The following ETFA variants were observed in gnomAD, a reference collection of about 807,000 sequenced individuals.
The protein encoded by ETFA is electron transfer flavoprotein subunit alpha, mitochondrial.
ETFA carries 22 observed loss-of-function variants against 46.2 expected under a neutral mutation model. That is an observed-to-expected ratio of 0.48 (90% CI 0.34 to 0.68). The LOEUF is 0.68. Ranked by LOEUF, ETFA falls within the 30% of genes least tolerant of loss-of-function variation. The pLI, the probability that ETFA is intolerant of heterozygous loss-of-function variation, is 0.01. For missense variants in ETFA, 345 were observed against 401.1 expected (o/e 0.86, Z 1.19); for synonymous variants, 131 against 139.9 (o/e 0.94, Z 0.45).
rs189082720 is a variant in ETFA at position 76,236,664 on chromosome 15, A to C, written c.817-5266T>G. ...CAGCAGTGTGGCAGAGCTGAAGATT[A>C]GCATTAGAGGCAGCAACATTAAACA... On this transcript the variant is annotated intron_variant, in intron 9 of 11. Transcript: ENST00000557943. Among the ~76,000 whole-genome samples the C allele has an allele frequency of 2.5e-4, 38 of 152,366 alleles. 1 individual carries two copies. The highest frequency in any genetic ancestry group is 9.1e-4 in the African/African-American group (38 of 41,586).
intron 9 of ETFA, among the ~76,000 whole-genome samples, chr15:76,236,521 A>G (rs1231358558): frequency 6.6e-6 from 1 of 152,238 alleles, no homozygotes; most frequent in Non-Finnish European, 1.5e-5. Flanking sequence ...TGGTCTGACA[A>G]CAGATCTAAA....
intron 9 of ETFA, among the ~76,000 whole-genome samples, chr15:76,268,690 C>T (rs2039498110): frequency 6.6e-6 from 1 of 152,164 alleles, no homozygotes; most frequent in Non-Finnish European, 1.5e-5. Context: ...TTCTGCAACC[C>T]TTAGAATTAA....
intron 9 of ETFA, among the ~76,000 whole-genome samples, chr15:76,250,243 T>C (rs572787504): frequency 2.0e-5 from 3 of 151,908 alleles, no homozygotes; most frequent in Non-Finnish European, 4.4e-5. Flanking sequence ...AAAGAACATA[T>C]ATAGGACATT....
intron 6 of ETFA, among the ~76,000 whole-genome samples, chr15:76,286,002 T>G (rs773366622): frequency 3.3e-5 from 5 of 152,194 alleles, no homozygotes; most frequent in Admixed American, 1.3e-4. Flanking sequence ...TCTATGAGGT[T>G]CAAATAAGAC....
intron 1 of ETFA, among the ~76,000 whole-genome samples, chr15:76,302,487 A>G (rs2039889421): frequency 6.6e-6 from 1 of 151,130 alleles, no homozygotes; most frequent in African/African-American, 2.4e-5. Flanking sequence ...AGTGACTGCC[A>G]GGGATTAGGA....
chr15:76,282,182 G>A (rs1359448144), intron 8 of ETFA, among the ~76,000 whole-genome samples: 1 of 152,124 alleles, frequency 6.6e-6, no homozygotes, highest in Non-Finnish European at 1.5e-5. Flanking sequence ...GGCATTACAG[G>A]TATGAGCCAC....
At chr15:76,261,687 C>T in intron 9 of ETFA, 1 of 322,846 alleles carries the variant, frequency 3.1e-6, no homozygotes, top group South Asian at 6.1e-5. Context: ...TGCCTCAGCA[C>T]CATCTGTGGT....
At chr15:76,268,047 G>A (rs990461727) in intron 9 of ETFA, among the ~76,000 whole-genome samples, 8 of 152,214 alleles carry the variant, frequency 5.3e-5, no homozygotes, top group Middle Eastern at 3.4e-3. Flanking sequence ...GATAAGCCTC[G>A]ATTTGGTTTC....
At chr15:76,307,805 G>A (rs2039952788) in intron 1 of ETFA, among the ~76,000 whole-genome samples, 1 of 152,082 alleles carries the variant, frequency 6.6e-6, no homozygotes, top group Admixed American at 6.6e-5. Flanking sequence ...ATTTTTAAGT[G>A]TTAAGTGTTA....
intron 9 of ETFA, among the ~76,000 whole-genome samples, chr15:76,266,504 G>T (rs1443011822): frequency 6.6e-6 from 1 of 152,190 alleles, no homozygotes; most frequent in Non-Finnish European, 1.5e-5. Flanking sequence ...AACAGAAAAG[G>T]CTGTAAATGC....
chr15:76,217,803 C>A, intron 11 of ETFA: 1 of 285,628 alleles, frequency 3.5e-6, no homozygotes. Flanking sequence ...GAACTCACCA[C>A]TGATGAATAC....
At chr15:76,310,369 G>GA (rs34111559) in intron 1 of ETFA, among the ~76,000 whole-genome samples, 1,745 of 104,316 alleles carry the variant, frequency 0.017, 66 homozygotes, top group African/African-American at 0.054. Context: ...TCCATGCCCA[G>GA]AAAAAAAAAA....
intron 6 of ETFA, 101 bp from the exon 7 acceptor site, chr15:76,285,839 T>G (rs1036704244): frequency 1.9e-5 from 15 of 791,072 alleles, no homozygotes. Flanking sequence ...TCCACGAAAT[T>G]TAAGTTAATT....
intron 9 of ETFA, among the ~76,000 whole-genome samples, chr15:76,272,050 A>G (rs1259794822): frequency 3.9e-5 from 6 of 152,146 alleles, no homozygotes; most frequent in Non-Finnish European, 5.9e-5. Flanking sequence ...TTCTATATCC[A>G]TAAGAGTAAT....
At chr15:76,289,541 T>C (rs1201965457) in intron 4 of ETFA, among the ~76,000 whole-genome samples, 2 of 152,232 alleles carry the variant, frequency 1.3e-5, no homozygotes, top group African/African-American at 4.8e-5. Flanking sequence ...TCTGGTCTTC[T>C]ATCTAAACAT....
At chr15:76,234,260 T>G (rs1031851034) in intron 9 of ETFA, among the ~76,000 whole-genome samples, 8 of 152,134 alleles carry the variant, frequency 5.3e-5, no homozygotes, top group Non-Finnish European at 1.0e-4. Context: ...CTCTGATAGC[T>G]CTCTCAGGAA....
chr15:76,247,710 TGTA>T (rs1406926914), intron 9 of ETFA, among the ~76,000 whole-genome samples: 5 of 152,224 alleles, frequency 3.3e-5, no homozygotes, highest in African/African-American at 4.8e-5. Flanking sequence ...TTTGGAGCAG[TGTA>T]GAAGAAATAA....
intron 9 of ETFA, among the ~76,000 whole-genome samples, chr15:76,249,568 A>C (rs954053962): frequency 7.3e-5 from 11 of 150,092 alleles, no homozygotes; most frequent in South Asian, 6.3e-4. Context: ...CAGCCTCCCG[A>C]GTAGCTGGGA....
At chr15:76,249,684 G>A (rs1011583464) in intron 9 of ETFA, among the ~76,000 whole-genome samples, 3 of 145,990 alleles carry the variant, frequency 2.1e-5, no homozygotes, top group Middle Eastern at 4.3e-3. Context: ...CTTGTGATCC[G>A]CCCGCCTCGG....
Sources: gnomAD v4.1 joint callset for allele counts (sites outside exome capture counted in the v4.1 genomes callset) on GRCh38, gnomAD v4.1.1 for gene constraint, MANE v1.5 for transcripts, NCBI Gene and HGNC (gene_info 2026-07-23, HGNC 2026-07-21) for gene names.